The following CAPN13 variants were observed in gnomAD, a reference collection of about 807,000 sequenced individuals.
CAPN13 encodes the protein calpain-13.
CAPN13 carries 90 observed loss-of-function variants against 98.4 expected under a neutral mutation model. The observed-to-expected ratio is 0.92, with a 90% CI of 0.77 to 1.09. CAPN13 has a LOEUF of 1.09. Among genes scored for constraint, CAPN13 ranks in the 50% least tolerant of loss-of-function variants. The pLI, the probability that CAPN13 is intolerant of heterozygous loss-of-function variation, is 0.00. For synonymous variants in CAPN13, 330 were observed against 305.5 expected, an observed-to-expected ratio of 1.08 and a Z score of -0.84; for missense variants, 887 against 841.3, an observed-to-expected ratio of 1.05 and a Z score of -0.67.
chr2:30,753,274 C>T, intron 9 of CAPN13, 76 bp from the exon 10 acceptor site: 1 of 1,478,334 alleles, frequency 6.8e-7, no homozygotes, highest in South Asian at 1.2e-5. Flanking sequence ...GACTTCACAG[C>T]ATAGCCACTG....
intron 7 of CAPN13, among the ~76,000 whole-genome samples, chr2:30,761,122 G>T (rs1044083368): frequency 6.6e-6 from 1 of 152,226 alleles, no homozygotes; most frequent in East Asian, 1.9e-4. Context: ...AATCTCCAAG[G>T]AGGGGATATA....
In CAPN13 at chr2:30,773,476, A is replaced by G. The variant is rs146085118; in HGVS notation, c.387+2454T>C. On this transcript the variant is annotated intron_variant, in intron 4 of 22. Coordinates refer to ENST00000295055, the MANE Select transcript of CAPN13 (RefSeq NM_144575.3). The stretch of plus-strand genomic sequence containing the variant: ...TATGCTTTTTATAAGAAACACACCT[A>G]TAACAAAGTGAGCATGAAATTAATA... 2.9e-3 allele frequency among the ~76,000 whole-genome samples: 445 copies of G among 152,320 alleles called. 3 individuals are homozygous for G. Among genetic ancestry groups the G allele is most frequent in the African/African-American group, 0.01 (426 of 41,580 alleles).
chr2:30,745,859 A>G lies in CAPN13; in HGVS notation c.1237-125T>C, dbSNP rs1221241288. On this transcript the variant is annotated intron_variant, in intron 11 of 22. Transcript: ENST00000295055. ...CCTTCTCCTTTTCTTCCTCTCTTTT[A>G]AAGAATTTATTTTATATCTGTTATG... The G allele has an allele frequency of 5.5e-6, 4 of 728,722 alleles. No individual in the cohort carries two copies. The Admixed American group carries it at 9.1e-5, about 17-fold the overall frequency. The allele number at this position is 728,722 out of a possible 1,614,324, so 45.1% of individuals were successfully genotyped here.
chr2:30,748,010 G>A (rs1363275806), intron 11 of CAPN13, among the ~76,000 whole-genome samples: 1 of 152,260 alleles, frequency 6.6e-6, no homozygotes, highest in East Asian at 1.9e-4. Context: ...TAGGGTTCCT[G>A]AACTGTGAAG....
intron 1 of CAPN13, among the ~76,000 whole-genome samples, chr2:30,802,814 C>G (rs1268756368): frequency 6.6e-6 from 1 of 152,136 alleles, no homozygotes; most frequent in Non-Finnish European, 1.5e-5. Flanking sequence ...GATGCAGTCC[C>G]AGGAGACCTC....
At chr2:30,754,627 C>T (rs1193166291) in intron 8 of CAPN13, among the ~76,000 whole-genome samples, 5 of 152,140 alleles carry the variant, frequency 3.3e-5, no homozygotes. Context: ...CCCATAGTGA[C>T]CTCAAATCAA....
intron 4 of CAPN13, among the ~76,000 whole-genome samples, chr2:30,771,620 C>T (rs1470619843): frequency 1.3e-5 from 2 of 152,200 alleles, no homozygotes; most frequent in East Asian, 3.9e-4. Context: ...TTACAAAATG[C>T]ATCCGAAGCA....
At chr2:30,781,021 C>G (rs538698981) in intron 2 of CAPN13, among the ~76,000 whole-genome samples, 6 of 152,208 alleles carry the variant, frequency 3.9e-5, no homozygotes, top group Non-Finnish European at 7.3e-5. Context: ...AGTCTCCAGC[C>G]GACTGTGAAT....
At position 30,758,045 on chromosome 2, in the gene CAPN13, C is replaced by G; in HGVS notation, c.866+1G>C. ...TGGAGAGAGGTTTCCAGAAGCCATA[C>G]CCATCACTCCAGCGCCCTCTCCATT... On this transcript the variant is annotated splice_donor_variant, in intron 8 of 22. Coordinates refer to ENST00000295055, the MANE Select transcript of CAPN13 (RefSeq NM_144575.3). LOFTEE classifies it high-confidence loss of function. 1.9e-6 allele frequency: 3 copies of G among 1,602,758 alleles called. No individual in the cohort carries two copies. The highest frequency in any genetic ancestry group is 2.6e-6 in the Non-Finnish European group (3 of 1,175,938).
At chr2:30,790,584 G>T (rs554158082) in intron 1 of CAPN13, among the ~76,000 whole-genome samples, 1 of 152,208 alleles carries the variant, frequency 6.6e-6, no homozygotes, top group South Asian at 2.1e-4. Context: ...TGGTGTCTAC[G>T]AAACGAGCTT....
Position 30,796,211 on chromosome 2 carries a change from T to C in CAPN13, c.-32-8854A>G, listed in dbSNP as rs1012526618. On this transcript the variant is annotated intron_variant, in intron 1 of 22. Coordinates refer to ENST00000295055, the MANE Select transcript of CAPN13 (RefSeq NM_144575.3). ...ATATATATGTGTGTGTATATATATA[T>C]ACACATATATATGTATATATATATG... Among the ~76,000 whole-genome samples the C allele has an allele frequency of 1.1e-4, 12 of 106,828 alleles. No individual in the cohort carries two copies. In the East Asian group the frequency reaches 1.3e-3, roughly 12 times the overall value. The allele number at this position is 106,828 out of a possible 152,430, so 70.1% of individuals were successfully genotyped here. A position where few individuals can be genotyped will look rare whatever the true frequency, so the allele number is the denominator to read the frequency against.
intron 22 of CAPN13, among the ~76,000 whole-genome samples, chr2:30,730,365 G>C (rs555905024): frequency 6.6e-6 from 1 of 152,284 alleles, no homozygotes; most frequent in African/African-American, 2.4e-5. Context: ...CTCTCCCTAA[G>C]GCCTGACCAT....
At chr2:30,781,491 T>C (rs1673981097) in intron 2 of CAPN13, among the ~76,000 whole-genome samples, 1 of 152,196 alleles carries the variant, frequency 6.6e-6, no homozygotes. Context: ...GTTGGGGGAT[T>C]TAGCAAAGCA....
At chr2:30,736,993 T>C (rs1671400238) in intron 17 of CAPN13, among the ~76,000 whole-genome samples, 1 of 152,110 alleles carries the variant, frequency 6.6e-6, no homozygotes. Context: ...CGTGGGCATG[T>C]TAAAGCCAGC....
At chr2:30,750,714 A>C (rs1672131084) in intron 11 of CAPN13, among the ~76,000 whole-genome samples, 1 of 152,228 alleles carries the variant, frequency 6.6e-6, no homozygotes, top group South Asian at 2.1e-4. Context: ...TGGAGAGCTT[A>C]TGAAAATGCA....
At chr2:30,787,053 CT>C in intron 2 of CAPN13, 74 bp downstream of exon 2, 1 of 1,247,414 alleles carries the variant, frequency 8.0e-7, no homozygotes, top group Non-Finnish European at 1.1e-6. Flanking sequence ...GCTCCACCTC[CT>C]TTTGGCTGGA....
intron 1 of CAPN13, among the ~76,000 whole-genome samples, chr2:30,795,352 A>T (rs1674802519): frequency 6.6e-6 from 1 of 152,098 alleles, no homozygotes; most frequent in Admixed American, 6.5e-5. Context: ...TTATTGTCCA[A>T]GGTTGTACCA....
intron 2 of CAPN13, among the ~76,000 whole-genome samples, chr2:30,783,947 G>A (rs1025154966): frequency 1.3e-5 from 2 of 152,168 alleles, no homozygotes; most frequent in Non-Finnish European, 2.9e-5. Context: ...TTGGGAGGCT[G>A]AGGTGGGTGG....
chr2:30,743,491 G>A lies in CAPN13; in HGVS notation c.1337C>T (p.Thr446Ile). The A allele has an allele frequency of 6.2e-7, 1 of 1,613,994 alleles. No homozygotes were observed. Residue 446 changes from threonine (T) to isoleucine (I), a missense_variant, in exon 13 of 23, where the codon ACC (threonine) becomes ATC (isoleucine). Transcript: ENST00000295055. ...SSNNKFRRNF[T>I]MTYHLSPGNY... ...CCCAGGGCTCAGATGGTAAGTCATGGTGAAGTTGCGGCGGAATTTATTATT... is the reference window on the plus strand; with the variant it reads ...CCCAGGGCTCAGATGGTAAGTCATGATGAAGTTGCGGCGGAATTTATTATT...
Sources: allele counts gnomAD v4.1 joint callset (sites outside exome capture counted in the v4.1 genomes callset), GRCh38; gene constraint gnomAD v4.1.1; transcripts MANE v1.5; gene names NCBI Gene and HGNC (gene_info 2026-07-23, HGNC 2026-07-21).